LGALS9B: variants seen among roughly 807,000 people sequenced by gnomAD.
LGALS9B encodes galectin 9B, also known as galectin-9B.
A neutral mutation model predicts 35.9 loss-of-function variants in LGALS9B; 8 were observed. The observed-to-expected ratio is 0.22, with a 90% CI of 0.13 to 0.40. LGALS9B has a LOEUF of 0.40. Among genes scored for constraint, LGALS9B ranks in the 10% least tolerant of loss-of-function variants. LGALS9B has a pLI of 1.00. For synonymous variants in LGALS9B, 42 were observed against 148.6 expected (o/e 0.28, Z 5.22); for missense variants, 101 against 397.9 (o/e 0.25, Z 6.35).
intron 1 of LGALS9B, among the ~76,000 whole-genome samples, chr17:20,461,296 A>G (rs2042727674): frequency 6.7e-6 from 1 of 149,230 alleles, no homozygotes; most frequent in African/African-American, 2.5e-5. Flanking sequence ...TCATCTGTAA[A>G]ATAGGAAGGT....
chr17:20,454,508 C>T (rs1398297748), intron 5 of LGALS9B, among the ~76,000 whole-genome samples: 6 of 151,954 alleles, frequency 3.9e-5, no homozygotes, highest in African/African-American at 1.2e-4. Context: ...CAGTCCCAGC[C>T]CTCTGGGGCC....
At chr17:20,455,709 T>C (rs1042891091) in intron 4 of LGALS9B, among the ~76,000 whole-genome samples, 21 of 150,986 alleles carry the variant, frequency 1.4e-4, no homozygotes, top group Admixed American at 4.6e-4. Flanking sequence ...ACTTCGCTCA[T>C]CTCAGGGAGC....
chr17:20,464,519 C>T (rs1323575967), intron 1 of LGALS9B, among the ~76,000 whole-genome samples: 1 of 152,146 alleles, frequency 6.6e-6, no homozygotes, highest in South Asian at 2.1e-4. Context: ...AAGGAAACAA[C>T]CTTGCTCACA....
chr17:20,453,147 C>CCGTG, intron 6 of LGALS9B, 80 bp from the exon 7 acceptor site: 4 of 1,080,366 alleles, frequency 3.7e-6, no homozygotes, highest in Non-Finnish European at 4.2e-6. Flanking sequence ...TGCCACACGG[C>CCGTG]AGGCACCCTC....
At chr17:20,451,093 G>C (rs2019331) in intron 10 of LGALS9B, among the ~76,000 whole-genome samples, 58,553 of 148,976 alleles carry the variant, frequency 0.39, 9,378 homozygotes, top group Middle Eastern at 0.48. Flanking sequence ...AGGACCCTAT[G>C]TGTCTGCTTC....
At chr17:20,451,109 T>C (rs1270841236) in intron 10 of LGALS9B, among the ~76,000 whole-genome samples, 2 of 151,446 alleles carry the variant, frequency 1.3e-5, no homozygotes, top group South Asian at 2.1e-4. Flanking sequence ...GCTTCATGAC[T>C]GCGCTCCCAG....
At chr17:20,460,796 G>T (rs1357707841) in intron 1 of LGALS9B, among the ~76,000 whole-genome samples, 1 of 120,092 alleles carries the variant, frequency 8.3e-6, no homozygotes, top group African/African-American at 2.9e-5. Context: ...GCAGGCAGAC[G>T]CCCTGGGCTG....
At chr17:20,463,304 G>A (rs1339240154) in intron 1 of LGALS9B, among the ~76,000 whole-genome samples, 2 of 102,442 alleles carry the variant, frequency 2.0e-5, no homozygotes, top group South Asian at 6.4e-4. Flanking sequence ...TCAGCCTCCC[G>A]AGCAGCTGAG....
At chr17:20,461,774 A>G (rs1456654600) in intron 1 of LGALS9B, among the ~76,000 whole-genome samples, 1 of 78,500 alleles carries the variant, frequency 1.3e-5, no homozygotes, top group Non-Finnish European at 2.6e-5. Flanking sequence ...AATTTTTAAG[A>G]TGAGACAGAA....
chr17:20,461,229 G>T (rs565141367), intron 1 of LGALS9B, among the ~76,000 whole-genome samples: 1 of 151,312 alleles, frequency 6.6e-6, no homozygotes, highest in African/African-American at 2.4e-5. Context: ...TAACTCTGCT[G>T]CTCCTGACCT....
chr17:20,454,533 A>C (rs2042672311), intron 5 of LGALS9B, among the ~76,000 whole-genome samples: 1 of 150,522 alleles, frequency 6.6e-6, no homozygotes, highest in Non-Finnish European at 1.5e-5. Flanking sequence ...GGGCATAGGG[A>C]GATGGGGGTG....
intron 1 of LGALS9B, among the ~76,000 whole-genome samples, chr17:20,465,675 C>T (rs1440873831): frequency 3.0e-4 from 31 of 101,820 alleles, no homozygotes; most frequent in African/African-American, 1.1e-3. Flanking sequence ...CAGGTGGTTC[C>T]AGCTTCCCCC....
chr17:20,455,847 TTTTA>T (rs2042686182), intron 4 of LGALS9B, among the ~76,000 whole-genome samples: 1 of 147,598 alleles, frequency 6.8e-6, no homozygotes. Context: ...CCTTCTTTAG[TTTTA>T]TTTATTTTAT....
chr17:20,460,482 G>GCCT, intron 1 of LGALS9B, 39 bp from the exon 2 acceptor site: 1 of 1,585,086 alleles, frequency 6.3e-7, no homozygotes, highest in Non-Finnish European at 8.6e-7. Flanking sequence ...CAGGTGGCCG[G>GCCT]CCTCCTGTTT....
At chr17:20,466,315 C>T (rs2042762464) in intron 1 of LGALS9B, among the ~76,000 whole-genome samples, 2 of 151,754 alleles carry the variant, frequency 1.3e-5, no homozygotes, top group African/African-American at 4.8e-5. Context: ...GAAAGCAGAG[C>T]TGAGCTCTGC....
At chr17:20,467,143 A>T (rs2042768512) in intron 1 of LGALS9B, among the ~76,000 whole-genome samples, 2 of 142,696 alleles carry the variant, frequency 1.4e-5, no homozygotes. Context: ...CTCTTTACAC[A>T]AACCATCCCA....
chr17:20,461,239 T>G (rs141124707), intron 1 of LGALS9B, among the ~76,000 whole-genome samples: 8,648 of 151,170 alleles, frequency 0.057, 309 homozygotes, highest in Non-Finnish European at 0.086. Context: ...GCTCCTGACC[T>G]GAGTGGCCTT....
At chr17:20,454,518 C>T (rs2042672187) in intron 5 of LGALS9B, among the ~76,000 whole-genome samples, 1 of 151,730 alleles carries the variant, frequency 6.6e-6, no homozygotes, top group Non-Finnish European at 1.5e-5. Flanking sequence ...CCTCTGGGGC[C>T]TCATGGGCAT....
rs1484541147 is a variant in LGALS9B at position 20,451,300 on chromosome 17, C to T, written c.924+181G>A. Among the ~76,000 whole-genome samples the T allele has an allele frequency of 3.0e-5, 4 of 135,028 alleles. No individual in the cohort carries two copies. In the South Asian group the frequency reaches 9.5e-4, roughly 32 times the overall value. 88.6% of individuals were successfully genotyped at this position (135,028 alleles called of 152,430 possible). The stretch of plus-strand genomic sequence containing the variant: ...CTAAAAAAGCAGATCCCAACGCTTC[C>T]TTCATGCAGGACAGTAATAATTATT... On this transcript the variant is annotated intron_variant, in intron 10 of 10. Coordinates refer to ENST00000423676, the MANE Select transcript of LGALS9B (RefSeq NM_001367292.2).
Sources: allele counts gnomAD v4.1 joint callset (sites outside exome capture counted in the v4.1 genomes callset), GRCh38; gene constraint gnomAD v4.1.1; transcripts MANE v1.5; gene names NCBI Gene and HGNC (gene_info 2026-07-23, HGNC 2026-07-21).